CHP1: variants seen among roughly 807,000 people sequenced by gnomAD.
CHP1 encodes the protein calcineurin like EF-hand protein 1.
Under a neutral mutation model 27.4 loss-of-function variants are expected in CHP1, and 11 were observed. The observed-to-expected ratio is 0.40, with a 90% CI of 0.25 to 0.67. The LOEUF is 0.67. Ranked by LOEUF, CHP1 falls within the 30% of genes least tolerant of loss-of-function variation. The pLI, the probability that CHP1 is intolerant of heterozygous loss-of-function variation, is 0.38. For synonymous variants in CHP1, 89 were observed against 87.4 expected (o/e 1.02, Z -0.10); for missense variants, 169 against 251.3 (o/e 0.67, Z 2.22).
At chr15:41,261,562 T>A (rs1349596276) in intron 3 of CHP1, among the ~76,000 whole-genome samples, 2 of 152,116 alleles carry the variant, frequency 1.3e-5, no homozygotes, top group African/African-American at 2.4e-5. Context: ...TTTGCTTTTA[T>A]AATTAAATAA....
intron 2 of CHP1, among the ~76,000 whole-genome samples, chr15:41,253,087 C>T (rs1054474760): frequency 5.9e-5 from 9 of 151,548 alleles, no homozygotes; most frequent in South Asian, 4.2e-4. Flanking sequence ...TACAGGCTCG[C>T]GCCACCATGC....
chr15:41,232,232 A>G lies in CHP1; in HGVS notation c.67+783A>G, dbSNP rs572623144. 2.1e-5 allele frequency among the ~76,000 whole-genome samples: 3 copies of G among 145,034 alleles called. No individual in the cohort carries two copies. The South Asian group carries it at 6.6e-4, about 32-fold the overall frequency. ...GATTTTTTTTTTTTTTTTTTTTGAAACGGAGTCTCCCTCTGTCAACCAGGC... is the reference window on the plus strand; with the variant it reads ...GATTTTTTTTTTTTTTTTTTTTGAAGCGGAGTCTCCCTCTGTCAACCAGGC... On this transcript the variant is annotated intron_variant, in intron 1 of 6. Coordinates refer to ENST00000334660, the MANE Select transcript of CHP1 (RefSeq NM_007236.5).
chr15:41,254,861 C>G (rs1232912430), intron 2 of CHP1, among the ~76,000 whole-genome samples: 3 of 152,200 alleles, frequency 2.0e-5, no homozygotes, highest in Non-Finnish European at 2.9e-5. Context: ...TGGAGGTATA[C>G]ATTTTATCTG....
intron 4 of CHP1, among the ~76,000 whole-genome samples, chr15:41,265,443 C>T (rs977363527): frequency 1.4e-5 from 2 of 147,034 alleles, no homozygotes; most frequent in African/African-American, 5.0e-5. Flanking sequence ...GGCATGATGG[C>T]TCACGCCTGT....
At chr15:41,246,041 A>G (rs1306403465) in intron 2 of CHP1, among the ~76,000 whole-genome samples, 1 of 152,154 alleles carries the variant, frequency 6.6e-6, no homozygotes, top group Non-Finnish European at 1.5e-5. Flanking sequence ...CAGTTGTACC[A>G]GCACCATTCG....
At chr15:41,247,304 G>A (rs1409770507) in intron 2 of CHP1, among the ~76,000 whole-genome samples, 2 of 151,762 alleles carry the variant, frequency 1.3e-5, no homozygotes, top group Admixed American at 6.6e-5. Flanking sequence ...GGGAGGCGGA[G>A]GTTGTAGTGA....
intron 1 of CHP1, among the ~76,000 whole-genome samples, chr15:41,239,089 T>C (rs1364851879): frequency 6.6e-6 from 1 of 152,166 alleles, no homozygotes; most frequent in Admixed American, 6.6e-5. Flanking sequence ...GGGATTGTTC[T>C]GAGATTGCTT....
chr15:41,262,698 C>A, intron 3 of CHP1, 58 bp from the exon 4 acceptor site: 2 of 1,598,000 alleles, frequency 1.3e-6, no homozygotes, highest in South Asian at 1.1e-5. Context: ...ATATTTAATT[C>A]ATAAGAAATA....
At chr15:41,271,379 G>C (rs925970722) in intron 5 of CHP1, among the ~76,000 whole-genome samples, 2 of 151,930 alleles carry the variant, frequency 1.3e-5, no homozygotes, top group Admixed American at 6.6e-5. Flanking sequence ...AGTGAGCCAA[G>C]ATCGTGCCAC....
At chr15:41,238,922 T>C (rs969222304) in intron 1 of CHP1, among the ~76,000 whole-genome samples, 28 of 152,148 alleles carry the variant, frequency 1.8e-4, no homozygotes, top group Non-Finnish European at 8.8e-5. Flanking sequence ...TGTTATTTCC[T>C]TTGGGTTACC....
chr15:41,248,696 T>C (rs1286590658), intron 2 of CHP1, among the ~76,000 whole-genome samples: 4 of 152,102 alleles, frequency 2.6e-5, no homozygotes, highest in Non-Finnish European at 4.4e-5. Context: ...GAGGATTCCT[T>C]GAGGCCCGGA....
intron 5 of CHP1, among the ~76,000 whole-genome samples, chr15:41,274,790 G>GTTTTTT (rs34053067): frequency 1.2e-4 from 15 of 120,748 alleles, no homozygotes; most frequent in Non-Finnish European, 1.7e-4. Flanking sequence ...CATTGTCTTT[G>GTTTTTT]TTTTTTTTTT....
chr15:41,238,628 C>T lies in CHP1; in HGVS notation c.68-5039C>T, dbSNP rs576160853. On this transcript the variant is annotated intron_variant, in intron 1 of 6. Transcript: ENST00000334660. The stretch of plus-strand genomic sequence containing the variant: ...GGCTGAGGCGGGTGGATCACGAGGT[C>T]GGGAGATCGAGATCATCCTGGCTAA... Among the ~76,000 whole-genome samples, 13 of 150,858 alleles carry T rather than the reference C, an allele frequency of 8.6e-5. No homozygotes were observed. The South Asian group carries it at 1.1e-3, about 12-fold the overall frequency.
intron 1 of CHP1, among the ~76,000 whole-genome samples, chr15:41,231,726 A>G (rs562312926): frequency 1.2e-4 from 18 of 152,038 alleles, no homozygotes; most frequent in Admixed American, 7.2e-4. Context: ...CTGCCCATCA[A>G]AGTCCCCGAA....
chr15:41,246,624 C>CTTTT (rs561426550), intron 2 of CHP1, among the ~76,000 whole-genome samples: 11 of 57,284 alleles, frequency 1.9e-4, no homozygotes, highest in Non-Finnish European at 2.2e-4. Flanking sequence ...GGCCAAAAAG[C>CTTTT]TTTTTTTTTT....
intron 5 of CHP1, among the ~76,000 whole-genome samples, chr15:41,272,991 A>C (rs1172440704): frequency 6.6e-6 from 1 of 151,960 alleles, no homozygotes; most frequent in Non-Finnish European, 1.5e-5. Context: ...TAGGAGGCGG[A>C]GCTTGCAGTG....
At chr15:41,243,993 G>T (rs1047853248) in intron 2 of CHP1, among the ~76,000 whole-genome samples, 1 of 151,896 alleles carries the variant, frequency 6.6e-6, no homozygotes, top group Non-Finnish European at 1.5e-5. Context: ...AGGCCAGGAG[G>T]TCCAGACCAG....
At chr15:41,264,125 T>G (rs560262852) in intron 4 of CHP1, 87 of 1,150,762 alleles carry the variant, frequency 7.6e-5, no homozygotes, top group Non-Finnish European at 2.5e-5. Flanking sequence ...AGCTCTCAGT[T>G]GTTAACAGGG....
At chr15:41,277,164 T>TGTTAGGCAATTTTGTA (rs2047523129) in intron 5 of CHP1, among the ~76,000 whole-genome samples, 3 of 152,192 alleles carry the variant, frequency 2.0e-5, no homozygotes, top group South Asian at 4.1e-4. Context: ...AGATATGCAA[T>TGTTAGGCAATTTTGTA]GTTAGGCAAT....
Sources: allele counts gnomAD v4.1 joint callset (sites outside exome capture counted in the v4.1 genomes callset), GRCh38; gene constraint gnomAD v4.1.1; transcripts MANE v1.5; gene names NCBI Gene and HGNC (gene_info 2026-07-23, HGNC 2026-07-21).